Variants in GNA12 observed in about 807,000 individuals in gnomAD.
GNA12 encodes guanine nucleotide-binding protein subunit alpha-12.
In GNA12, 9 loss-of-function variants were observed where a neutral mutation model predicts 26.0. The ratio of observed to expected loss-of-function variants is 0.35; its 90% CI spans 0.21 to 0.60. The LOEUF (loss-of-function observed/expected upper bound fraction) is 0.60. Among genes scored for constraint, GNA12 ranks in the 20% least tolerant of loss-of-function variants. The pLI is 0.78. For synonymous variants in GNA12, 264 were observed against 219.6 expected, an observed-to-expected ratio of 1.20 and a Z score of -1.79; for missense variants, 405 against 525.8, an observed-to-expected ratio of 0.77 and a Z score of 2.25.
chr7:2,839,353 T>TC (rs1254558503), intron 1 of GNA12, among the ~76,000 whole-genome samples: 2 of 151,956 alleles, frequency 1.3e-5, no homozygotes, highest in African/African-American at 4.8e-5. Context: ...CCCACCCGCC[T>TC]CCCAGGTTCA....
At chr7:2,784,633 T>C (rs1792314315) in intron 2 of GNA12, among the ~76,000 whole-genome samples, 1 of 152,230 alleles carries the variant, frequency 6.6e-6, no homozygotes, top group Non-Finnish European at 1.5e-5. Context: ...GACAAAGCTA[T>C]TTCACCATGA....
chr7:2,769,377 A>G (rs1791891166), intron 2 of GNA12, among the ~76,000 whole-genome samples: 1 of 152,218 alleles, frequency 6.6e-6, no homozygotes, highest in African/African-American at 2.4e-5. Context: ...TTATGTCTGT[A>G]AGCTAGGTAT....
At chr7:2,747,444 A>C (rs1250391655) in intron 2 of GNA12, among the ~76,000 whole-genome samples, 1 of 152,260 alleles carries the variant, frequency 6.6e-6, no homozygotes, top group Admixed American at 6.5e-5. Flanking sequence ...CAGTAGATGC[A>C]GAAAAGGCCT....
At chr7:2,824,128 A>G (rs1221404310) in intron 1 of GNA12, among the ~76,000 whole-genome samples, 1 of 152,192 alleles carries the variant, frequency 6.6e-6, no homozygotes, top group African/African-American at 2.4e-5. Context: ...ACCGCTTCCC[A>G]GCATCTCCAC....
chr7:2,797,943 C>T (rs151211496), intron 1 of GNA12, among the ~76,000 whole-genome samples: 1 of 152,172 alleles, frequency 6.6e-6, no homozygotes, highest in African/African-American at 2.4e-5. Context: ...TACTTACCAC[C>T]CACTCATGAT....
intron 1 of GNA12, among the ~76,000 whole-genome samples, chr7:2,826,551 C>T (rs1293090706): frequency 6.6e-6 from 1 of 152,132 alleles, no homozygotes; most frequent in Non-Finnish European, 1.5e-5. Flanking sequence ...TGTCCTTCAG[C>T]AGGTAAATGG....
intron 3 of GNA12, among the ~76,000 whole-genome samples, chr7:2,732,952 T>C (rs1333259193): frequency 6.6e-6 from 1 of 152,214 alleles, no homozygotes; most frequent in Non-Finnish European, 1.5e-5. Flanking sequence ...GGAAAATCTC[T>C]AAACTGACTA....
At chr7:2,831,076 A>T (rs554853978) in intron 1 of GNA12, among the ~76,000 whole-genome samples, 59 of 152,224 alleles carry the variant, frequency 3.9e-4, no homozygotes, top group Admixed American at 3.9e-4. Flanking sequence ...CACACTTAAT[A>T]GGCATTTGTT....
chr7:2,843,365 C>A (rs1364484420), intron 1 of GNA12, among the ~76,000 whole-genome samples: 1 of 151,910 alleles, frequency 6.6e-6, no homozygotes, highest in Non-Finnish European at 1.5e-5. Context: ...AGAGGCAGAC[C>A]GGGCGCCATG....
Position 2,844,174 on chromosome 7 carries a change from C to G in GNA12, c.-13G>C. 1 of 982,010 alleles carries G rather than the reference C, an allele frequency of 1.0e-6. No homozygotes were observed. The highest frequency in any genetic ancestry group is 1.2e-6 in the Non-Finnish European group (1 of 828,940). The allele number at this position is 982,010 out of a possible 1,614,324, so 60.8% of individuals were successfully genotyped here. The stretch of plus-strand genomic sequence containing the variant: ...CCACCCCGGACATGGCCCCTCAGGC[C>G]GCGGCCGCGCCCCGCCGGCGCCCGG... On this transcript the variant is annotated 5_prime_UTR_variant, in exon 1 of 4. Coordinates refer to ENST00000275364, the MANE Select transcript of GNA12 (RefSeq NM_007353.3).
chr7:2,804,395 A>G lies in GNA12; in HGVS notation c.310-9252T>C, dbSNP rs114649056. The stretch of plus-strand genomic sequence containing the variant: ...TGTATGCGTAAACCCATAAACCCAT[A>G]AACACACACGCGTGTACATACACCG... On this transcript the variant is annotated intron_variant, in intron 1 of 3. Transcript: ENST00000275364. Among the ~76,000 whole-genome samples, 231 of 152,346 alleles carry G rather than the reference A, an allele frequency of 1.5e-3. 1 individual carries two copies. Among genetic ancestry groups the G allele is most frequent in the African/African-American group, 4.9e-3 (202 of 41,582 alleles).
intron 1 of GNA12, among the ~76,000 whole-genome samples, chr7:2,801,330 T>C (rs1792803992): frequency 6.6e-6 from 1 of 152,126 alleles, no homozygotes; most frequent in African/African-American, 2.4e-5. Context: ...CCCTAGGAAG[T>C]TTCATTTTTA....
chr7:2,809,400 A>T (rs909626085), intron 1 of GNA12, among the ~76,000 whole-genome samples: 6 of 152,206 alleles, frequency 3.9e-5, no homozygotes, highest in Admixed American at 1.3e-4. Context: ...CAAAGTTGAT[A>T]AAAAATACAC....
At chr7:2,808,303 G>A (rs567615263) in intron 1 of GNA12, among the ~76,000 whole-genome samples, 7 of 152,174 alleles carry the variant, frequency 4.6e-5, no homozygotes, top group Non-Finnish European at 1.0e-4. Flanking sequence ...CTGCACTTGG[G>A]TTAAGCCAGA....
intron 1 of GNA12, among the ~76,000 whole-genome samples, chr7:2,803,649 A>G (rs989394965): frequency 1.3e-5 from 2 of 152,230 alleles, no homozygotes; most frequent in African/African-American, 2.4e-5. Context: ...AATTTAGTTC[A>G]GTTGGACAGT....
chr7:2,824,100 C>T (rs1793427162), intron 1 of GNA12, among the ~76,000 whole-genome samples: 1 of 152,182 alleles, frequency 6.6e-6, no homozygotes, highest in Non-Finnish European at 1.5e-5. Flanking sequence ...AACACTTTCA[C>T]AACATTTCTA....
chr7:2,758,629 C>T (rs550017337), intron 2 of GNA12, among the ~76,000 whole-genome samples: 1 of 152,276 alleles, frequency 6.6e-6, no homozygotes, highest in Non-Finnish European at 1.5e-5. Context: ...GGGGGAACCC[C>T]TGAAAGGGTC....
intron 2 of GNA12, among the ~76,000 whole-genome samples, chr7:2,756,971 G>A (rs1423043221): frequency 6.6e-6 from 1 of 152,080 alleles, no homozygotes; most frequent in African/African-American, 2.4e-5. Flanking sequence ...CTACTCAGGA[G>A]GCTGAAGTGG....
chr7:2,739,656 A>C (rs1282291378), intron 2 of GNA12, among the ~76,000 whole-genome samples: 2 of 152,096 alleles, frequency 1.3e-5, no homozygotes. Flanking sequence ...CCTAGGAGTG[A>C]AACTGTAGCA....
Sources: allele counts gnomAD v4.1 joint callset (sites outside exome capture counted in the v4.1 genomes callset), GRCh38; gene constraint gnomAD v4.1.1; transcripts MANE v1.5; gene names NCBI Gene and HGNC (gene_info 2026-07-23, HGNC 2026-07-21).